Variants in ANKS1B observed in about 807,000 individuals in gnomAD.
The protein encoded by ANKS1B is ankyrin repeat and sterile alpha motif domain-containing protein 1B.
Under a neutral mutation model 148.3 loss-of-function variants are expected in ANKS1B, and 36 were observed. The ratio of observed to expected loss-of-function variants is 0.24; its 90% CI spans 0.19 to 0.32. The LOEUF (loss-of-function observed/expected upper bound fraction) is 0.32. ANKS1B is among the 10% of genes least tolerant of loss of function. ANKS1B has a pLI of 1.00. For missense variants in ANKS1B, 1,157 were observed against 1,542.6 expected (o/e 0.75, Z 4.19); for synonymous variants, 542 against 560.8 (o/e 0.97, Z 0.47).
At chr12:99,293,027 T>C (rs533952237) in intron 12 of ANKS1B, among the ~76,000 whole-genome samples, 5 of 152,196 alleles carry the variant, frequency 3.3e-5, no homozygotes, top group African/African-American at 9.7e-5. Context: ...TTACAAATCA[T>C]GCTACTATAA....
At chr12:99,195,434 C>T (rs2153889469) in intron 14 of ANKS1B, among the ~76,000 whole-genome samples, 1 of 151,942 alleles carries the variant, frequency 6.6e-6, no homozygotes, top group East Asian at 1.9e-4. Flanking sequence ...CAAGCAAAAA[C>T]ACTTCCCAAA....
At chr12:99,869,350 A>C (rs1034407218) in intron 1 of ANKS1B, among the ~76,000 whole-genome samples, 3 of 152,124 alleles carry the variant, frequency 2.0e-5, no homozygotes, top group African/African-American at 7.2e-5. Context: ...ATGAAACAGA[A>C]GAGGGTGCAA....
intron 17 of ANKS1B, among the ~76,000 whole-genome samples, chr12:98,964,210 T>C (rs1395849884): frequency 1.3e-5 from 2 of 152,212 alleles, no homozygotes; most frequent in African/African-American, 2.4e-5. Context: ...TCAACATCAC[T>C]GATCATCAGA....
chr12:99,519,429 G>A (rs2096853652), intron 9 of ANKS1B, among the ~76,000 whole-genome samples: 1 of 152,062 alleles, frequency 6.6e-6, no homozygotes, highest in East Asian at 1.9e-4. Context: ...ATTTATAAGT[G>A]TTATATCCTC....
At chr12:99,299,917 A>G (rs2081381319) in intron 12 of ANKS1B, among the ~76,000 whole-genome samples, 1 of 152,180 alleles carries the variant, frequency 6.6e-6, no homozygotes, top group South Asian at 2.1e-4. Flanking sequence ...AGGAACAATG[A>G]ATGATCTGAA....
chr12:99,558,722 T>A (rs1446517283), intron 9 of ANKS1B, among the ~76,000 whole-genome samples: 2 of 152,146 alleles, frequency 1.3e-5, no homozygotes, highest in Admixed American at 1.3e-4. Flanking sequence ...AGAGGGGCAC[T>A]CAGATTGGAC....
chr12:99,897,112 A>AAC (rs1240819380), intron 1 of ANKS1B, among the ~76,000 whole-genome samples: 1 of 151,310 alleles, frequency 6.6e-6, no homozygotes. Flanking sequence ...AAGATGAAAG[A>AAC]ACACTGAAGA....
intron 14 of ANKS1B, among the ~76,000 whole-genome samples, chr12:99,216,555 T>C (rs1224388585): frequency 6.6e-6 from 1 of 152,240 alleles, no homozygotes; most frequent in Non-Finnish European, 1.5e-5. Flanking sequence ...GTATATAAAG[T>C]AGCATGTATT....
chr12:98,799,925 A>G (rs1009734619), intron 21 of ANKS1B, among the ~76,000 whole-genome samples: 2 of 151,922 alleles, frequency 1.3e-5, no homozygotes, highest in African/African-American at 4.8e-5. Flanking sequence ...ATTTTAGAAG[A>G]TATCTGATGG....
At chr12:99,369,791 T>TAGATAGACGGACGGAC (rs879173702) in intron 12 of ANKS1B, among the ~76,000 whole-genome samples, 9 of 148,770 alleles carry the variant, frequency 6.0e-5, no homozygotes, top group Non-Finnish European at 1.0e-4. Context: ...GATAGATAGA[T>TAGATAGACGGACGGAC]GGACGGACGG....
chr12:99,719,270 T>G (rs936235358), intron 8 of ANKS1B, among the ~76,000 whole-genome samples: 9 of 152,172 alleles, frequency 5.9e-5, no homozygotes, highest in African/African-American at 1.2e-4. Flanking sequence ...CACATATACT[T>G]TCTGTTTCCC....
rs1406084515 is a variant in ANKS1B at position 99,984,704 on chromosome 12, G to A, written c.-467C>T. On this transcript the variant is annotated 5_prime_UTR_variant, in exon 1 of 27. Transcript: ENST00000683438. ...GCCCGCGCGCCCTCGCGCCCGACCC[G>A]GGCTCGCCTCGGCTTCCTCGGCGGT... 3 of 152,382 alleles carry A rather than the reference G, an allele frequency of 2.0e-5. No individual in the cohort carries two copies. Among genetic ancestry groups the A allele is most frequent in the African/African-American group, 7.2e-5 (3 of 41,454 alleles). 9.4% of individuals were successfully genotyped at this position (152,382 alleles called of 1,614,324 possible). A position where few individuals can be genotyped will look rare whatever the true frequency, so the allele number is the denominator to read the frequency against.
chr12:98,845,979 T>TACACACACAC (rs67641647), intron 17 of ANKS1B, among the ~76,000 whole-genome samples: 1 of 120,576 alleles, frequency 8.3e-6, no homozygotes, highest in African/African-American at 2.9e-5. Flanking sequence ...TATATATATA[T>TACACACACAC]ACACACACAC....
chr12:98,893,278 C>T, intron 17 of ANKS1B, among the ~76,000 whole-genome samples: 1 of 152,146 alleles, frequency 6.6e-6, no homozygotes, highest in East Asian at 1.9e-4. Context: ...TGGCATAATG[C>T]CAGCACTACT....
rs910301433 is a variant in ANKS1B at position 99,244,507 on chromosome 12, T to G, written c.2347-93A>C. 30 of 755,702 alleles carry G rather than the reference T, an allele frequency of 4.0e-5. No individual in the cohort carries two copies. The African/African-American group carries it at 5.4e-4, about 14-fold the overall frequency. The allele number at this position is 755,702 out of a possible 1,614,324, so 46.8% of individuals were successfully genotyped here. ...TTTCAAATGAAGGGAGCAAATATTT[T>G]TGATGTTATTACCACAGTGTTCCAC... On this transcript the variant is annotated intron_variant, in intron 13 of 26. Coordinates refer to ENST00000683438, the MANE Select transcript of ANKS1B (RefSeq NM_001352186.2).
intron 14 of ANKS1B, among the ~76,000 whole-genome samples, chr12:99,242,014 C>T (rs898768720): frequency 2.0e-5 from 3 of 152,180 alleles, no homozygotes; most frequent in Non-Finnish European, 2.9e-5. Context: ...TCTCTCACCA[C>T]TCCTATTCAA....
intron 17 of ANKS1B, among the ~76,000 whole-genome samples, chr12:99,041,455 T>C (rs1255249790): frequency 6.6e-6 from 1 of 152,204 alleles, no homozygotes; most frequent in Non-Finnish European, 1.5e-5. Context: ...AATTCCATGA[T>C]CACACAGTGT....
chr12:99,883,286 T>A (rs907368764), intron 1 of ANKS1B, among the ~76,000 whole-genome samples: 1 of 152,096 alleles, frequency 6.6e-6, no homozygotes, highest in Non-Finnish European at 1.5e-5. Context: ...AATGGAGATA[T>A]GATAGTTTTT....
At chr12:99,436,709 C>T (rs1477986328) in intron 11 of ANKS1B, among the ~76,000 whole-genome samples, 1 of 151,938 alleles carries the variant, frequency 6.6e-6, no homozygotes, top group Non-Finnish European at 1.5e-5. Context: ...TTATTGTTAG[C>T]TCATTAATCA....
Sources: allele counts gnomAD v4.1 joint callset (sites outside exome capture counted in the v4.1 genomes callset), GRCh38; gene constraint gnomAD v4.1.1; transcripts MANE v1.5; gene names NCBI Gene and HGNC (gene_info 2026-07-23, HGNC 2026-07-21).